USP9X: variants seen among roughly 807,000 people sequenced by gnomAD.
USP9X encodes ubiquitin carboxyl-terminal hydrolase 9X.
Under a neutral mutation model 190.3 loss-of-function variants are expected in USP9X, and 7 were observed. The observed-to-expected ratio is 0.04, with a 90% CI of 0.02 to 0.07. The LOEUF (loss-of-function observed/expected upper bound fraction) is 0.07. USP9X is among the 10% of genes least tolerant of loss of function. The pLI, the probability that USP9X is intolerant of heterozygous loss-of-function variation, is 1.00. For synonymous variants in USP9X, 645 were observed against 659.5 expected (o/e 0.98, Z 0.34); for missense variants, 1,010 against 1,916.9 (o/e 0.53, Z 8.83).
chrX:41,216,728 AAATT>A (rs1217082590), intron 35 of USP9X, 76 bp downstream of exon 35: 1 of 1,045,520 alleles, frequency 9.6e-7, no homozygotes, highest in Non-Finnish European at 1.3e-6. Context: ...TAAGTTCATA[AAATT>A]AATGTTTTCA....
chrX:41,219,780 G>C (rs2063244659), intron 38 of USP9X, among the ~76,000 whole-genome samples: 1 of 112,188 alleles, frequency 8.9e-6, no homozygotes. Context: ...TTGAGCCCAG[G>C]AGACTAACCT....
intron 24 of USP9X, 144 bp from the exon 25 acceptor site, chrX:41,187,848 T>TA (rs1166448493): frequency 9.6e-6 from 5 of 519,051 alleles, no homozygotes; most frequent in African/African-American, 7.5e-5. Context: ...TTTTTTTTTT[T>TA]AAGACAAAGG....
rs1285858730 is a variant in USP9X, at chrX:41,230,012, C to T, written c.7431+233C>T. On this transcript the variant is annotated intron_variant, in intron 43 of 44. Coordinates refer to ENST00000378308, the MANE Select transcript of USP9X (RefSeq NM_001039591.3). ...GGTCAGGAGTTCAAGACCAGCCTGG[C>T]CAACAAGGTGAAATCCCATCTCCAC... The T allele has an allele frequency of 2.8e-5, 13 of 463,481 alleles. 1 individual carries two copies. The East Asian group carries it at 5.8e-4, about 21-fold the overall frequency. The allele number at this position is 463,481 out of a possible 1,213,427, so 38.2% of individuals were successfully genotyped here.
chrX:41,157,574 C>T (rs1431361425), intron 14 of USP9X, among the ~76,000 whole-genome samples: 1 of 111,269 alleles, frequency 9.0e-6, no homozygotes, highest in Non-Finnish European at 1.9e-5. Flanking sequence ...CACTATATCC[C>T]ATAGCCATAG....
intron 41 of USP9X, among the ~76,000 whole-genome samples, chrX:41,228,749 G>GATCC (rs1286613851): frequency 8.9e-6 from 1 of 112,222 alleles, no homozygotes; most frequent in Non-Finnish European, 1.9e-5. Flanking sequence ...ACAGACTCTG[G>GATCC]AGTCACACTG....
chrX:41,173,167 CTTT>C (rs1188370966), intron 21 of USP9X, among the ~76,000 whole-genome samples: 1 of 111,514 alleles, frequency 9.0e-6, no homozygotes, highest in African/African-American at 3.3e-5. Context: ...GGGGTGGCTT[CTTT>C]AACCTTTTCC....
At chrX:41,167,364 A>G (rs761396277) in intron 16 of USP9X, 118 bp from the exon 17 acceptor site, 35 of 518,107 alleles carry the variant, frequency 6.8e-5, no homozygotes, top group Non-Finnish European at 1.1e-4. Context: ...ATCAAAGTCA[A>G]CTTACCATTA....
At chrX:41,141,511 A>G (rs749932386) in intron 9 of USP9X, 80 bp downstream of exon 9, 3 of 934,820 alleles carry the variant, frequency 3.2e-6, no homozygotes, top group Admixed American at 8.9e-5. Context: ...TAAAAAAATT[A>G]GTAATAGTAA....
At position 41,185,135 on chromosome X, in the gene USP9X, C is replaced by A. The variant is rs147628151; in HGVS notation, c.3558+460C>A. Among the ~76,000 whole-genome samples the A allele has an allele frequency of 4.1e-4, 46 of 112,068 alleles. No individual in the cohort carries two copies. In the East Asian group the frequency reaches 0.013, roughly 30 times the overall value. On this transcript the variant is annotated intron_variant, in intron 23 of 44. Coordinates refer to ENST00000378308, the MANE Select transcript of USP9X (RefSeq NM_001039591.3). ...TCTCAAGACATGCCAGAATTTGATACTTATTTATGAGAGATCAAACTATGC... is the reference window on the plus strand; with the variant it reads ...TCTCAAGACATGCCAGAATTTGATAATTATTTATGAGAGATCAAACTATGC...
intron 32 of USP9X, among the ~76,000 whole-genome samples, chrX:41,205,887 C>CTTTTTTTTTTTTTTTTTTTTT (rs751427663): frequency 8.0e-5 from 7 of 87,146 alleles, no homozygotes; most frequent in African/African-American, 1.2e-4. Flanking sequence ...TTTTCTTTTT[C>CTTTTTTTTTTTTTTTTTTTTT]TTTTTTTCTT....
intron 21 of USP9X, among the ~76,000 whole-genome samples, chrX:41,175,324 A>C (rs909289118): frequency 9.0e-6 from 1 of 111,205 alleles, no homozygotes; most frequent in Non-Finnish European, 1.9e-5. Context: ...ATTCATGACC[A>C]GCCTGGGCAA....
At chrX:41,182,942 T>G (rs1176617682) in intron 21 of USP9X, among the ~76,000 whole-genome samples, 1 of 108,918 alleles carries the variant, frequency 9.2e-6, no homozygotes. Flanking sequence ...TCATAGTTTT[T>G]TTTTTTTTTT....
At chrX:41,165,179 T>A (rs758986465) in intron 15 of USP9X, among the ~76,000 whole-genome samples, 69 of 112,048 alleles carry the variant, frequency 6.2e-4, no homozygotes, top group Middle Eastern at 9.2e-3. Flanking sequence ...CTGGTTGTTG[T>A]TGTTGGAGAC....
intron 14 of USP9X, among the ~76,000 whole-genome samples, chrX:41,157,936 T>G (rs1208757993): frequency 8.9e-6 from 1 of 112,020 alleles, no homozygotes; most frequent in African/African-American, 3.2e-5. Context: ...TAAAGAGAAA[T>G]TATTTTTTAT....
intron 1 of USP9X, among the ~76,000 whole-genome samples, chrX:41,103,724 T>A (rs1192366576): frequency 8.9e-6 from 1 of 112,378 alleles, no homozygotes; most frequent in Non-Finnish European, 1.9e-5. Context: ...AATTAGTTTT[T>A]AAAAATTCTG....
chrX:41,220,135 G>A (rs2063247714), intron 38 of USP9X, among the ~76,000 whole-genome samples: 1 of 110,303 alleles, frequency 9.1e-6, no homozygotes, highest in African/African-American at 3.3e-5. Context: ...CTTTTCATTT[G>A]TCTATTTAGT....
chrX:41,176,796 A>G (rs1321908369), intron 21 of USP9X, among the ~76,000 whole-genome samples: 3 of 112,136 alleles, frequency 2.7e-5, no homozygotes, highest in Admixed American at 9.5e-5. Flanking sequence ...TACTGACATC[A>G]TTATATTTGC....
intron 29 of USP9X, among the ~76,000 whole-genome samples, chrX:41,198,181 G>A (rs918922242): frequency 9.0e-6 from 1 of 111,690 alleles, no homozygotes; most frequent in South Asian, 3.7e-4. Flanking sequence ...AGTAACACAA[G>A]GAAACAAAGT....
intron 12 of USP9X, among the ~76,000 whole-genome samples, chrX:41,149,510 G>A (rs1150510): frequency 0.027 from 2,952 of 108,773 alleles, 51 homozygotes; most frequent in Non-Finnish European, 0.045. Flanking sequence ...TTTCCCTTCT[G>A]CTTGCCAAAA....
Sources: allele counts gnomAD v4.1 joint callset (sites outside exome capture counted in the v4.1 genomes callset), GRCh38; gene constraint gnomAD v4.1.1; transcripts MANE v1.5; gene names NCBI Gene and HGNC (gene_info 2026-07-23, HGNC 2026-07-21).